The following WDR17 variants were observed in gnomAD, a reference collection of about 807,000 sequenced individuals.
The protein encoded by WDR17 is WD repeat domain 17.
Under a neutral mutation model 161.7 loss-of-function variants are expected in WDR17, and 143 were observed. That is an observed-to-expected ratio of 0.88 (90% CI 0.77 to 1.02). The LOEUF (loss-of-function observed/expected upper bound fraction) is 1.02, where lower values mean the gene tolerates loss of function less well. Ranked by LOEUF, WDR17 falls within the 50% of genes least tolerant of loss-of-function variation. The pLI is 0.00. For missense variants in WDR17, 1,469 were observed against 1,520.9 expected (o/e 0.97, Z 0.57); for synonymous variants, 517 against 515.6 (o/e 1.00, Z -0.04).
chr4:176,159,556 C>T (rs1748714448), intron 18 of WDR17, among the ~76,000 whole-genome samples: 1 of 152,074 alleles, frequency 6.6e-6, no homozygotes, highest in African/African-American at 2.4e-5. Flanking sequence ...GATTTTTAAG[C>T]TACTTGAGTT....
intron 1 of WDR17, among the ~76,000 whole-genome samples, chr4:176,103,447 A>T (rs1425318193): frequency 1.3e-5 from 2 of 152,044 alleles, no homozygotes; most frequent in Non-Finnish European, 2.9e-5. Context: ...GGAAAAAAAA[A>T]TAAACAGATG....
intron 1 of WDR17, among the ~76,000 whole-genome samples, chr4:176,069,649 C>A (rs1732969099): frequency 1.3e-5 from 2 of 152,006 alleles, no homozygotes; most frequent in African/African-American, 4.8e-5. Context: ...CAGATTCTTC[C>A]CATTTTTTTT....
chr4:176,162,140 C>T lies in WDR17; in HGVS notation c.2816C>T (p.Ala939Val). Residue 939 changes from alanine (A) to valine (V), a missense_variant, in exon 21 of 29, where the codon GCC (alanine) becomes GTC (valine). Coordinates refer to ENST00000508596, the MANE Select transcript of WDR17 (RefSeq NM_181265.4). ...WYFQDGRAVL[A>V]ACCHLAIDNI... is the part of the protein sequence containing the mutation. ...TTTCAAGATGGTCGAGCAGTACTAG[C>T]CGCATGTTGCCATCTTGCCATAGAT... 1 of 1,613,076 alleles carries T rather than the reference C, an allele frequency of 6.2e-7. No individual in the cohort carries two copies. Among genetic ancestry groups the T allele is most frequent in the Non-Finnish European group, 8.5e-7 (1 of 1,179,400 alleles).
intron 1 of WDR17, among the ~76,000 whole-genome samples, chr4:176,092,092 T>A (rs150291063): frequency 6.6e-6 from 1 of 152,154 alleles, no homozygotes; most frequent in Non-Finnish European, 1.5e-5. Flanking sequence ...TCCAAACCCA[T>A]TCTTTGAGGC....
chr4:176,163,099 G>A, intron 21 of WDR17, 55 bp from the exon 22 acceptor site: 1 of 1,608,588 alleles, frequency 6.2e-7, no homozygotes, highest in Non-Finnish European at 8.5e-7. Context: ...GGAGGGGAAT[G>A]ATGATCCTAC....
In WDR17 at chr4:176,135,140, C is replaced by G; in HGVS notation, c.1131C>G (p.Phe377Leu). Residue 377 changes from phenylalanine (F) to leucine (L), a missense_variant, in exon 8 of 29, where the codon TTC becomes TTG. Transcript: ENST00000508596. ...GHVETIFDCK[F>L]KPDDPNLLAT... The stretch of plus-strand genomic sequence containing the variant: ...TGGAAACTATCTTTGACTGCAAATT[C>G]AAACCTGACGATCCTAATCTTTTAG... 6.2e-7 allele frequency: 1 copy of G among 1,612,186 alleles called. No homozygotes were observed. The highest frequency in any genetic ancestry group is 8.5e-7 in the Non-Finnish European group (1 of 1,178,572).
intron 6 of WDR17, among the ~76,000 whole-genome samples, chr4:176,130,732 G>A (rs551442167): frequency 9.8e-5 from 14 of 142,836 alleles, no homozygotes; most frequent in South Asian, 2.2e-4. Flanking sequence ...GCAACAGAGC[G>A]AGACTCCGTC....
chr4:176,093,025 G>A (rs1240904383), intron 1 of WDR17, among the ~76,000 whole-genome samples: 1 of 152,120 alleles, frequency 6.6e-6, no homozygotes, highest in Non-Finnish European at 1.5e-5. Context: ...CTGGGTGACA[G>A]AGTGAAACTG....
intron 1 of WDR17, among the ~76,000 whole-genome samples, chr4:176,073,601 A>G (rs1343609575): frequency 6.6e-6 from 1 of 151,012 alleles, no homozygotes; most frequent in East Asian, 1.9e-4. Context: ...ATGATTTATA[A>G]TCCTTTGGGT....
At chr4:176,068,700 T>C (rs868083844) in intron 1 of WDR17, among the ~76,000 whole-genome samples, 16 of 152,300 alleles carry the variant, frequency 1.1e-4, no homozygotes, top group African/African-American at 3.6e-4. Flanking sequence ...ATATGAAACT[T>C]AAGATTTGGT....
In WDR17 at chr4:176,131,637, G is replaced by A. The variant is rs1267536717; in HGVS notation, c.997G>A (p.Ala333Thr). Residue 333 changes from alanine (A) to threonine (T), a missense_variant, in exon 7 of 29, where the codon GCA becomes ACA. Physicochemically the swap from Ala to Thr is moderately conservative, Grantham distance 58. Transcript: ENST00000508596. Reference sequence around the variant, plus strand: ...ACCCCCAACTTTAACACAGAATCAAGCATTTTCTCTTCCTCCTGGTCATGC... The same window carrying A: ...ACCCCCAACTTTAACACAGAATCAAACATTTTCTCTTCCTCCTGGTCATGC... ...VPPPTLTQNQ[A>T]FSLPPGHAVC... The A allele has an allele frequency of 3.7e-6, 6 of 1,613,598 alleles. No homozygotes were observed. Among genetic ancestry groups the A allele is most frequent in the South Asian group, 1.1e-5 (1 of 91,048 alleles).
intron 1 of WDR17, among the ~76,000 whole-genome samples, chr4:176,075,836 A>C (rs997665675): frequency 1.3e-5 from 2 of 151,958 alleles, no homozygotes; most frequent in African/African-American, 4.8e-5. Flanking sequence ...GAAATTAGCC[A>C]GGAGTGTTAG....
intron 19 of WDR17, 39 bp from the exon 20 acceptor site, chr4:176,160,872 A>C: frequency 6.7e-7 from 1 of 1,492,666 alleles, no homozygotes; most frequent in Non-Finnish European, 9.1e-7. Flanking sequence ...ATTATCAACA[A>C]TTAGCTAAAG....
chr4:176,176,016 A>G (rs1177327173), intron 26 of WDR17, among the ~76,000 whole-genome samples: 1 of 152,220 alleles, frequency 6.6e-6, no homozygotes, highest in African/African-American at 2.4e-5. Flanking sequence ...ATGCTCAGGG[A>G]AAAATCTCTT....
intron 3 of WDR17, among the ~76,000 whole-genome samples, 162 bp downstream of exon 3, chr4:176,116,141 A>G (rs1267816917): frequency 6.6e-6 from 1 of 151,948 alleles, no homozygotes; most frequent in Non-Finnish European, 1.5e-5. Flanking sequence ...CCATAGGTAC[A>G]AAGCTGAAAC....
At chr4:176,068,920 A>G (rs1056293775) in intron 1 of WDR17, among the ~76,000 whole-genome samples, 10 of 152,224 alleles carry the variant, frequency 6.6e-5, no homozygotes, top group Admixed American at 1.3e-4. Flanking sequence ...GAGTTTACTT[A>G]AAATGTTCAC....
chr4:176,093,209 C>T (rs1736365419), intron 1 of WDR17, among the ~76,000 whole-genome samples: 1 of 152,068 alleles, frequency 6.6e-6, no homozygotes, highest in African/African-American at 2.4e-5. Flanking sequence ...ATGGAAAGAT[C>T]TTCCATGTTC....
chr4:176,174,430 T>C (rs536472097), intron 25 of WDR17, among the ~76,000 whole-genome samples, 187 bp from the exon 26 acceptor site: 2 of 152,206 alleles, frequency 1.3e-5, no homozygotes, highest in South Asian at 2.1e-4. Flanking sequence ...ATTGATGGTA[T>C]AGCATAAATA....
chr4:176,070,345 T>C (rs749510702), intron 1 of WDR17, among the ~76,000 whole-genome samples: 6 of 152,186 alleles, frequency 3.9e-5, no homozygotes, highest in Non-Finnish European at 8.8e-5. Flanking sequence ...AATATGTAGA[T>C]TACCAACCTA....
Sources: gnomAD v4.1 joint callset for allele counts (sites outside exome capture counted in the v4.1 genomes callset) on GRCh38, gnomAD v4.1.1 for gene constraint, MANE v1.5 for transcripts, NCBI Gene and HGNC (gene_info 2026-07-23, HGNC 2026-07-21) for gene names.